The following AHNAK2 variants were observed in gnomAD, a reference collection of about 807,000 sequenced individuals.
The protein encoded by AHNAK2 is AHNAK nucleoprotein 2.
Under a neutral mutation model 30.7 loss-of-function variants are expected in AHNAK2, and 18 were observed. The ratio of observed to expected loss-of-function variants is 0.59; its 90% confidence interval spans 0.41 to 0.87. The LOEUF is 0.87. AHNAK2 is among the 40% of genes least tolerant of loss of function. AHNAK2 has a pLI of 0.00. For synonymous variants in AHNAK2, 3,590 were observed against 3,073.8 expected, an observed-to-expected ratio of 1.17 and a Z score of -5.56; for missense variants, 8,604 against 7,373.0, an observed-to-expected ratio of 1.17 and a Z score of -6.11.
Position 104,944,066 on chromosome 14 carries a change from A to C in AHNAK2, c.11385T>G (p.Asp3795Glu), listed in dbSNP as rs757916382. 1.2e-6 allele frequency: 2 copies of C among 1,606,730 alleles called. No individual in the cohort carries two copies. The highest frequency in any genetic ancestry group is 1.4e-5 in the African/African-American group (1 of 73,126). The change falls in exon 7 of 7, where the codon GAT (aspartate) becomes GAG (glutamate). Residue 3795 changes from aspartate to glutamate, a missense_variant. By Grantham distance (45) the Asp-to-Glu change is conservative (BLOSUM62 2). Transcript: ENST00000333244. ...LEGDLSLADK[D>E]VTAKDSKFKM... ...TGAATTTGCTGTCTTTGGCAGTCAC[A>C]TCCTTGTCGGCCAGGGACAGGTCCC...
chr14:104,976,098 G>C (rs909486955), intron 1 of AHNAK2, among the ~76,000 whole-genome samples: 1 of 152,210 alleles, frequency 6.6e-6, no homozygotes, highest in African/African-American at 2.4e-5. Flanking sequence ...AGCAGGTGCA[G>C]GGTGGGGGCC....
Position 104,950,877 on chromosome 14 carries a change from G to T in AHNAK2, c.4574C>A (p.Ala1525Asp). Reference sequence around the variant, plus strand: ...CTGCATGGAGGGGAGGCTCACGTCGGCCTCCACCTTCGGCGCAGACACATC... The same window carrying T: ...CTGCATGGAGGGGAGGCTCACGTCGTCCTCCACCTTCGGCGCAGACACATC... Reference protein sequence around the residue: ...SVDVSAPKVEADVSLPSMQGD... With the variant: ...SVDVSAPKVEDDVSLPSMQGD... The change falls in exon 7 of 7, where the codon GCC (alanine) becomes GAC (aspartate). Residue 1525 changes from alanine (A) to aspartate (D), a missense_variant. Physicochemically the swap from Ala to Asp is moderately radical, Grantham distance 126. Transcript: ENST00000333244. 6.3e-7 allele frequency: 1 copy of T among 1,579,428 alleles called. No homozygotes were observed. The highest frequency in any genetic ancestry group is 8.6e-7 in the Non-Finnish European group (1 of 1,157,636).
In AHNAK2 at chr14:104,966,373, C is replaced by A. The variant is rs934895945; in HGVS notation, c.56-8701G>T. Among the ~76,000 whole-genome samples the A allele has an allele frequency of 6.6e-6, 1 of 152,160 alleles. No individual in the cohort carries two copies. Among genetic ancestry groups the A allele is most frequent in the African/African-American group, 2.4e-5 (1 of 41,426 alleles). The stretch of plus-strand genomic sequence containing the variant: ...AAGAATTGTACCCCTGGCAACCCCA[C>A]AACACGATCTCCTCCACAGGCCCCT... On this transcript the variant is annotated intron_variant, in intron 1 of 6. Transcript: ENST00000333244. The surrounding 1 kb of genome is among the most constrained non-coding windows in gnomAD (Gnocchi z 4.3).
At chr14:104,975,208 C>T (rs574914471) in intron 1 of AHNAK2, among the ~76,000 whole-genome samples, 2 of 152,308 alleles carry the variant, frequency 1.3e-5, no homozygotes, top group South Asian at 4.2e-4. Context: ...CGGGAGGGAG[C>T]GGGCTCCTGG....
At position 104,945,237 on chromosome 14, in the gene AHNAK2, T is replaced by G. The variant is rs1898197681; in HGVS notation, c.10214A>C (p.Asp3405Ala). ...GATGTCCACCTGGGGGCTCTTGAGGTCCACTTTGGGCATCTTGAAACTGGG... is the reference window on the plus strand; with the variant it reads ...GATGTCCACCTGGGGGCTCTTGAGGGCCACTTTGGGCATCTTGAAACTGGG... ...EMPSFKMPKVDLKSPQVDIKG... is the reference protein window; with the variant it reads ...EMPSFKMPKVALKSPQVDIKG... The change falls in exon 7 of 7, where the codon GAC (aspartate) becomes GCC (alanine). Residue 3405 changes from aspartate (D) to alanine (A), a missense_variant. Asp to Ala is a moderately radical substitution (Grantham distance 126). Coordinates refer to ENST00000333244, the MANE Select transcript of AHNAK2 (RefSeq NM_138420.4). The G allele has an allele frequency of 6.2e-6, 10 of 1,612,708 alleles. No individual in the cohort carries two copies. Among genetic ancestry groups the G allele is most frequent in the South Asian group, 1.1e-5 (1 of 91,020 alleles).
Position 104,970,545 on chromosome 14 carries a change from C to T in AHNAK2, c.55+7638G>A, listed in dbSNP as rs568636410. The T allele has an allele frequency of 1.4e-5, 14 of 983,886 alleles. No individual in the cohort carries two copies. The East Asian group carries it at 1.5e-3, about 104-fold the overall frequency. The allele number at this position is 983,886 out of a possible 1,614,324, so 60.9% of individuals were successfully genotyped here. ...CTGCCACGCCCGGTTCTTCCCTCCA[C>T]AGCTCCTCCCCCCATTGTCCCGCCT... is the stretch of plus-strand genomic sequence containing the variant. On this transcript the variant is annotated intron_variant, in intron 1 of 6. Transcript: ENST00000333244.
Position 104,944,413 on chromosome 14 carries a change from C to G in AHNAK2, c.11038G>C (p.Asp3680His). Residue 3680 changes from aspartate (D) to histidine (H), a missense_variant, in exon 7 of 7, where the codon GAC becomes CAC. Physicochemically the swap from Asp to His is moderately conservative, Grantham distance 81. Transcript: ENST00000333244. The part of the protein sequence containing the change: ...ADVSLPSMQG[D>H]LKTTDLSIQP... Reference sequence around the variant, plus strand: ...ATGCTGAGGTCAGTGGTCTTCAGGTCCCCCTGCATGGAGGGGAGACTCACA... The same window carrying G: ...ATGCTGAGGTCAGTGGTCTTCAGGTGCCCCTGCATGGAGGGGAGACTCACA... 6.2e-7 allele frequency: 1 copy of G among 1,612,954 alleles called. No homozygotes were observed. The highest frequency in any genetic ancestry group is 1.7e-5 in the Admixed American group (1 of 59,924).
Position 104,953,895 on chromosome 14 carries a change from G to A in AHNAK2, c.1556C>T (p.Ala519Val), listed in dbSNP as rs370578594. 36 of 1,613,808 alleles carry A rather than the reference G, an allele frequency of 2.2e-5. No homozygotes were observed. In the African/African-American group the frequency reaches 3.2e-4, roughly 14 times the overall value. Reference sequence around the variant, plus strand: ...CAGGCCAGTACCCGCTTTTGAGGACGCATCCTGTCTCTTCCCTCGCTGTGG... The same window carrying A: ...CAGGCCAGTACCCGCTTTTGAGGACACATCCTGTCTCTTCCCTCGCTGTGG... ...STPQRGKRQD[A>V]SSKAGTGLKG... Residue 519 changes from alanine (A) to valine (V), a missense_variant, in exon 7 of 7, where the codon GCG becomes GTG. Ala to Val is a moderately conservative substitution (Grantham distance 64, BLOSUM62 0). Transcript: ENST00000333244.
At position 104,949,681 on chromosome 14, in the gene AHNAK2, G is replaced by A. The variant is rs777942512; in HGVS notation, c.5770C>T (p.Pro1924Ser). 1.9e-6 allele frequency: 3 copies of A among 1,587,064 alleles called. No individual in the cohort carries two copies. The highest frequency in any genetic ancestry group is 1.4e-5 in the African/African-American group (1 of 72,570). ...TTGGCGCCCTTAACATCTGTCTGGG[G>A]GCCCTTGAGGTCCACTTTGGGCATC... ...FKMPKVDLKG[P>S]QTDVKGAKLD... Residue 1924 changes from proline (P) to serine (S), a missense_variant, in exon 7 of 7, where the codon CCC becomes TCC. Transcript: ENST00000333244.
chr14:104,938,333 TGAG>T lies in AHNAK2; in HGVS notation c.17115_17117del (p.Ser5707del), dbSNP rs763963957. The T allele has an allele frequency of 1.9e-6, 3 of 1,613,992 alleles. No individual in the cohort carries two copies. Among genetic ancestry groups the T allele is most frequent in the South Asian group, 1.1e-5 (1 of 91,082 alleles). On this transcript the variant is annotated inframe_deletion, in exon 7 of 7. Transcript: ENST00000333244. Reference sequence around the variant, plus strand: ...TGCTTTTGCTTTTCTTGGTAGGAGATGAGGAGAACCCTAATTTGGGAAATCGGA... The same window carrying T: ...TGCTTTTGCTTTTCTTGGTAGGAGATGAGAACCCTAATTTGGGAAATCGGA...
chr14:104,969,392 C>T (rs1899407900), intron 1 of AHNAK2, among the ~76,000 whole-genome samples: 1 of 152,274 alleles, frequency 6.6e-6, no homozygotes, highest in Non-Finnish European at 1.5e-5. Flanking sequence ...CCAGCCCTCA[C>T]TGTGCCTGCC....
chr14:104,976,384 C>T (rs1034753257), intron 1 of AHNAK2, among the ~76,000 whole-genome samples: 7 of 152,138 alleles, frequency 4.6e-5, no homozygotes, highest in African/African-American at 1.4e-4. Flanking sequence ...GACAGGAAGA[C>T]GAGAGCAGGG....
rs755737170 is a variant in AHNAK2, at chr14:104,952,770, G to A, written c.2681C>T (p.Ala894Val). The change falls in exon 7 of 7, where the codon GCT becomes GTT. Residue 894 changes from alanine (A) to valine (V), a missense_variant. Transcript: ENST00000333244. ...QPPSADLEVQ[A>V]GQVDVKLPEG... ...CGGAAGTTTCACATCCACTTGGCCAGCCTGGACCTCCAGGTCAGCGGAAGG... is the reference window on the plus strand; with the variant it reads ...CGGAAGTTTCACATCCACTTGGCCAACCTGGACCTCCAGGTCAGCGGAAGG... 1 of 1,609,066 alleles carries A rather than the reference G, an allele frequency of 6.2e-7. No homozygotes were observed. The highest frequency in any genetic ancestry group is 8.5e-7 in the Non-Finnish European group (1 of 1,178,152).
chr14:104,972,478 A>G (rs557115141), intron 1 of AHNAK2, among the ~76,000 whole-genome samples: 1 of 152,300 alleles, frequency 6.6e-6, no homozygotes, highest in African/African-American at 2.4e-5. Flanking sequence ...CGGGGCCGTC[A>G]TGCCAGACAC....
At chr14:104,956,016 C>T (rs1276574450) in intron 4 of AHNAK2, among the ~76,000 whole-genome samples, 1 of 152,230 alleles carries the variant, frequency 6.6e-6, no homozygotes, top group Non-Finnish European at 1.5e-5. Context: ...GTGCAAGGCA[C>T]CTGATGCTCA....
Position 104,962,592 on chromosome 14 carries a change from A to ATTTTT in AHNAK2, c.56-4925_56-4921dup, listed in dbSNP as rs112564439. On this transcript the variant is annotated intron_variant, in intron 1 of 6. Coordinates refer to ENST00000333244, the MANE Select transcript of AHNAK2 (RefSeq NM_138420.4). ...AGGCATGCGCCATCATGCCTCACTA[A>ATTTTT]TTTTTTTTTTTTTTGGTACTTTTAG... is the stretch of plus-strand genomic sequence containing the variant. Among the ~76,000 whole-genome samples, 9 of 143,990 alleles carry ATTTTT rather than the reference A, an allele frequency of 6.3e-5. No individual in the cohort carries two copies. In the South Asian group the frequency reaches 1.8e-3, roughly 28 times the overall value. 94.5% of individuals were successfully genotyped at this position (143,990 alleles called of 152,430 possible). A position where few individuals can be genotyped will look rare whatever the true frequency, so the allele number is the denominator to read the frequency against.
chr14:104,977,099 GT>G (rs1899612569), intron 1 of AHNAK2, among the ~76,000 whole-genome samples: 1 of 152,172 alleles, frequency 6.6e-6, no homozygotes, highest in African/African-American at 2.4e-5. Flanking sequence ...AGGGGCCTTG[GT>G]AGTGCCTGCT....
At position 104,962,012 on chromosome 14, in the gene AHNAK2, T is replaced by C. The variant is rs528643376; in HGVS notation, c.56-4340A>G. On this transcript the variant is annotated intron_variant, in intron 1 of 6. Coordinates refer to ENST00000333244, the MANE Select transcript of AHNAK2 (RefSeq NM_138420.4). Reference sequence around the variant, plus strand: ...CCAAAAAACACCTAGATCTCCTTTTTGAAACACTGCAGTAAAAACTGGCAA... The same window carrying C: ...CCAAAAAACACCTAGATCTCCTTTTCGAAACACTGCAGTAAAAACTGGCAA... Among the ~76,000 whole-genome samples, 363 of 152,220 alleles carry C rather than the reference T, an allele frequency of 2.4e-3. 3 individuals are homozygous for C. The highest frequency in any genetic ancestry group is 7.5e-3 in the African/African-American group (311 of 41,524).
In AHNAK2 at chr14:104,941,962, T is replaced by G. The variant is rs200925506; in HGVS notation, c.13489A>C (p.Met4497Leu). 6.2e-7 allele frequency: 1 copy of G among 1,612,370 alleles called. No individual in the cohort carries two copies. The highest frequency in any genetic ancestry group is 8.5e-7 in the Non-Finnish European group (1 of 1,179,238). The change falls in exon 7 of 7, where the codon ATG becomes CTG. Residue 4497 changes from methionine (M) to leucine (L), a missense_variant. Transcript: ENST00000333244. The part of the protein sequence containing the change: ...DVSAPKMEAD[M>L]SIPSMQGDLK... ...TCCCCCTGCATGGAGGGAATGCTCA[T>G]GTCGGCCTCCATCTTTGGCGCAGAC...
Sources: gnomAD v4.1 joint callset for allele counts (sites outside exome capture counted in the v4.1 genomes callset) on GRCh38, gnomAD v4.1.1 for gene constraint, Gnocchi (gnomAD v3.1) non-coding constraint, MANE v1.5 for transcripts, NCBI Gene and HGNC (gene_info 2026-07-23, HGNC 2026-07-21) for gene names.